Variants in KANSL1 observed in about 807,000 individuals in gnomAD.
KANSL1 encodes KAT8 regulatory NSL complex subunit 1.
KANSL1 carries 22 observed loss-of-function variants against 103.6 expected under a neutral mutation model. The observed-to-expected ratio is 0.21, with a 90% CI of 0.15 to 0.30. The LOEUF (loss-of-function observed/expected upper bound fraction) is 0.30. Ranked by LOEUF, KANSL1 falls within the 10% of genes least tolerant of loss-of-function variation. The pLI is 1.00. For missense variants in KANSL1, 1,337 were observed against 1,399.8 expected (o/e 0.96, Z 0.72); for synonymous variants, 600 against 527.6 (o/e 1.14, Z -1.88).
At position 46,193,380 on chromosome 17, in the gene KANSL1, G is replaced by A. The variant is rs2047459584; in HGVS notation, c.-647C>T. The stretch of plus-strand genomic sequence containing the variant: ...GTGGCGGCGGCACTGGGAAAATGGC[G>A]GCCGAGCTCCTTTTCCCTCCCCCCC... On this transcript the variant is annotated 5_prime_UTR_variant, in exon 1 of 15. Transcript: ENST00000432791. 1 of 158,006 alleles carries A rather than the reference G, an allele frequency of 6.3e-6. No individual in the cohort carries two copies. Among genetic ancestry groups the A allele is most frequent in the South Asian group, 2.0e-4 (1 of 5,096 alleles). 9.8% of individuals were successfully genotyped at this position (158,006 alleles called of 1,614,324 possible). A position where few individuals can be genotyped will look rare whatever the true frequency, so the allele number is the denominator to read the frequency against.
chr17:46,117,764 T>C (rs1345547896), intron 2 of KANSL1, among the ~76,000 whole-genome samples: 1 of 152,234 alleles, frequency 6.6e-6, no homozygotes, highest in African/African-American at 2.4e-5. Flanking sequence ...ACAATTTGCA[T>C]TTTAATTATG....
chr17:46,131,951 ACT>A (rs1399548367), intron 2 of KANSL1, among the ~76,000 whole-genome samples: 5 of 152,074 alleles, frequency 3.3e-5, no homozygotes, highest in Admixed American at 2.6e-4. Flanking sequence ...ACATGGTGAA[ACT>A]CTGTCTCTAC....
intron 2 of KANSL1, among the ~76,000 whole-genome samples, chr17:46,143,031 C>G (rs182855180): frequency 1.3e-5 from 2 of 152,334 alleles, no homozygotes; most frequent in African/African-American, 4.8e-5. Context: ...CAATAGATTT[C>G]TAAATATGGC....
At chr17:46,105,945 ACAC>A (rs748247034) in intron 2 of KANSL1, among the ~76,000 whole-genome samples, 3,192 of 89,982 alleles carry the variant, frequency 0.035, 183 homozygotes, top group East Asian at 0.22. Flanking sequence ...ACACACACAC[ACAC>A]CCCCCCAGAA....
chr17:46,039,311 C>A, intron 8 of KANSL1, 96 bp from the exon 9 acceptor site: 1 of 1,166,446 alleles, frequency 8.6e-7, no homozygotes, highest in South Asian at 1.7e-5. Flanking sequence ...AGGCCAACGC[C>A]GTATACCCAG....
Position 46,174,310 on chromosome 17 carries a change from G to A in KANSL1, c.-89-2078C>T, listed in dbSNP as rs187455414. 5.9e-5 allele frequency among the ~76,000 whole-genome samples: 9 copies of A among 152,010 alleles called. No homozygotes were observed. The East Asian group carries it at 1.2e-3, about 20-fold the overall frequency. ...AGTGATTCTCCTGCCTCAGCCTCCC[G>A]TGTAGCTGGGACTACAGGCACGTGC... On this transcript the variant is annotated intron_variant, in intron 1 of 14. Transcript: ENST00000432791.
At chr17:46,173,421 G>A (rs1026917992) in intron 1 of KANSL1, among the ~76,000 whole-genome samples, 2 of 152,124 alleles carry the variant, frequency 1.3e-5, no homozygotes, top group Non-Finnish European at 2.9e-5. Flanking sequence ...TAGTAACCAA[G>A]CTAAAAATCT....
chr17:46,179,218 G>A (rs1485538145), intron 1 of KANSL1, among the ~76,000 whole-genome samples: 1 of 152,196 alleles, frequency 6.6e-6, no homozygotes, highest in Non-Finnish European at 1.5e-5. Context: ...ATATCCTAAA[G>A]ATTATACACA....
intron 1 of KANSL1, among the ~76,000 whole-genome samples, chr17:46,200,313 TAAAGGTA>T (rs2047756033): frequency 6.6e-6 from 1 of 152,076 alleles, no homozygotes; most frequent in Admixed American, 6.6e-5. Flanking sequence ...AAAGGAAACA[TAAAGGTA>T]AATATGCAGA....
intron 1 of KANSL1, among the ~76,000 whole-genome samples, chr17:46,180,279 T>C (rs969545617): frequency 9.2e-5 from 14 of 151,912 alleles, no homozygotes; most frequent in Non-Finnish European, 1.9e-4. Flanking sequence ...GTGGATCACC[T>C]GAGGTCAGGA....
chr17:46,124,691 C>T (rs1598685941), intron 2 of KANSL1, among the ~76,000 whole-genome samples: 1 of 152,286 alleles, frequency 6.6e-6, no homozygotes, highest in East Asian at 1.9e-4. Context: ...ATATCAACCC[C>T]AACAGGAGTT....
intron 2 of KANSL1, 196 bp downstream of exon 2, chr17:46,170,659 A>G: frequency 1.6e-6 from 1 of 626,426 alleles, no homozygotes; most frequent in South Asian, 2.4e-5. Flanking sequence ...CTACAACAAT[A>G]CAACCCTACA....
rs1285332228 is a variant in KANSL1, at chr17:46,152,567, T to G, written c.1289+18288A>C. ...CCCTGAATTTAGGTGAAACTAATAC[T>G]GACAATAGACACAAAGGGGGGGGGG... is the stretch of plus-strand genomic sequence containing the variant. On this transcript the variant is annotated intron_variant, in intron 2 of 14. Transcript: ENST00000432791. Among the ~76,000 whole-genome samples the G allele has an allele frequency of 9.4e-5, 11 of 117,136 alleles. No homozygotes were observed. The Admixed American group carries it at 9.4e-4, about 10-fold the overall frequency. 76.8% of individuals were successfully genotyped at this position (117,136 alleles called of 152,430 possible).
chr17:46,170,860 T>G lies in KANSL1; in HGVS notation c.1284A>C (p.Val428=). The change falls in exon 2 of 15, where the codon GTA becomes GTC. Residue 428 remains valine, a synonymous_variant. Coordinates refer to ENST00000432791, the MANE Select transcript of KANSL1 (RefSeq NM_015443.4). ...LTRADPEQRH[V]PLRRRSEWKW... ...CATGCATGAGGTCTACTCACAGGGG[T>G]ACATGACGCTGCTCGGGATCAGCTC... 1 of 1,602,556 alleles carries G rather than the reference T, an allele frequency of 6.2e-7. No homozygotes were observed. Among genetic ancestry groups the G allele is most frequent in the East Asian group, 2.2e-5 (1 of 44,588 alleles).
chr17:46,188,616 T>G (rs2047144700), intron 1 of KANSL1, among the ~76,000 whole-genome samples: 1 of 152,208 alleles, frequency 6.6e-6, no homozygotes, highest in African/African-American at 2.4e-5. Context: ...TTAAGGTAAG[T>G]AAGTAAAGAG....
chr17:46,138,722 TTAAAAG>T (rs934286945), intron 2 of KANSL1, among the ~76,000 whole-genome samples: 1 of 152,216 alleles, frequency 6.6e-6, no homozygotes, highest in African/African-American at 2.4e-5. Flanking sequence ...TCAAAGTACT[TTAAAAG>T]TATTAAGTCC....
intron 2 of KANSL1, among the ~76,000 whole-genome samples, chr17:46,167,815 A>G (rs561494121): frequency 2.0e-5 from 3 of 152,290 alleles, no homozygotes; most frequent in Non-Finnish European, 2.9e-5. Flanking sequence ...GCATGTACCA[A>G]CGACACAGAA....
intron 2 of KANSL1, among the ~76,000 whole-genome samples, chr17:46,112,121 C>T (rs2042835470): frequency 6.6e-6 from 1 of 152,124 alleles, no homozygotes; most frequent in South Asian, 2.1e-4. Flanking sequence ...AATCCCAGGG[C>T]TTTGGGAGCC....
intron 2 of KANSL1, among the ~76,000 whole-genome samples, chr17:46,122,092 TG>T (rs2043306194): frequency 6.6e-6 from 1 of 152,226 alleles, no homozygotes; most frequent in Non-Finnish European, 1.5e-5. Flanking sequence ...TATAGTAAGT[TG>T]GGGACCATCT....
Sources: gnomAD v4.1 joint callset for allele counts (sites outside exome capture counted in the v4.1 genomes callset) on GRCh38, gnomAD v4.1.1 for gene constraint, MANE v1.5 for transcripts, NCBI Gene and HGNC (gene_info 2026-07-23, HGNC 2026-07-21) for gene names.